EFR3A: variants seen among roughly 807,000 people sequenced by gnomAD.
EFR3A encodes EFR3 homolog A, also known as protein EFR3 homolog A.
EFR3A carries 76 observed loss-of-function variants against 104.4 expected under a neutral mutation model. The observed-to-expected ratio is 0.73, with a 90% CI of 0.60 to 0.88. The LOEUF is 0.88. EFR3A is among the 40% of genes least tolerant of loss of function. The pLI, the probability that EFR3A is intolerant of heterozygous loss-of-function variation, is 0.00. For missense variants in EFR3A, 985 were observed against 1,012.5 expected (o/e 0.97, Z 0.37); for synonymous variants, 330 against 330.0 (o/e 1.00, Z 0.00).
At chr8:131,948,618 A>G (rs1057265632) in intron 4 of EFR3A, among the ~76,000 whole-genome samples, 4 of 152,134 alleles carry the variant, frequency 2.6e-5, no homozygotes, top group African/African-American at 9.7e-5. Flanking sequence ...GTGGCTTACT[A>G]GCTAGGGGGA....
At chr8:132,000,015 A>G (rs1029410583) in intron 19 of EFR3A, among the ~76,000 whole-genome samples, 2 of 152,210 alleles carry the variant, frequency 1.3e-5, no homozygotes, top group East Asian at 3.9e-4. Context: ...GGGCAGGAGT[A>G]CTCTACTTTA....
intron 1 of EFR3A, chr8:131,935,652 T>TC (rs1361712989): frequency 8.3e-6 from 2 of 240,176 alleles, no homozygotes; most frequent in African/African-American, 4.7e-5. Context: ...TTCAAAGCCA[T>TC]ACAGTCAGTT....
At chr8:131,954,923 A>G (rs988844576) in intron 6 of EFR3A, among the ~76,000 whole-genome samples, 1 of 152,150 alleles carries the variant, frequency 6.6e-6, no homozygotes, top group African/African-American at 2.4e-5. Context: ...CACTAATTAC[A>G]GAAAGGATTC....
At chr8:131,969,264 C>T (rs1281706763) in intron 9 of EFR3A, among the ~76,000 whole-genome samples, 1 of 152,064 alleles carries the variant, frequency 6.6e-6, no homozygotes, top group African/African-American at 2.4e-5. Flanking sequence ...GGTTTCTTTG[C>T]TTGAAATTCA....
intron 18 of EFR3A, among the ~76,000 whole-genome samples, chr8:131,991,596 G>T (rs1287995278): frequency 1.3e-5 from 2 of 152,082 alleles, no homozygotes; most frequent in Admixed American, 6.6e-5. Context: ...AGGTTATAAT[G>T]AAAATTTTAA....
chr8:131,984,144 G>A lies in EFR3A; in HGVS notation c.1581G>A (p.Gly527=), dbSNP rs1041276460. 1.3e-6 allele frequency: 2 copies of A among 1,599,324 alleles called. No homozygotes were observed. The highest frequency in any genetic ancestry group is 1.7e-6 in the Non-Finnish European group (2 of 1,174,796). Residue 527 remains glycine, a synonymous_variant, in exon 15 of 23, where the codon GGG becomes GGA. Coordinates refer to ENST00000254624, the MANE Select transcript of EFR3A (RefSeq NM_015137.6). ...CCTCTGTCTTTTCTCCTCAGAATGG[G>A]CAACAGCTGTATCGGCACATATATT... ...RQDTSFMKKN[G]QQLYRHIYLG...
In EFR3A at chr8:131,944,817, A is replaced by T; in HGVS notation, c.160A>T (p.Ile54Phe). Residue 54 changes from isoleucine (I) to phenylalanine (F), a missense_variant, in exon 3 of 23, where the codon ATT becomes TTT. Coordinates refer to ENST00000254624, the MANE Select transcript of EFR3A (RefSeq NM_015137.6). Reference protein sequence around the residue: ...AVSAPEKLDRIGSYLAERLSR... With the variant: ...AVSAPEKLDRFGSYLAERLSR... ...ATCTGCTCCAGAGAAACTGGATCGA[A>T]TTGGTTCTTACCTGGCAGAAAGGTT... The T allele has an allele frequency of 6.2e-7, 1 of 1,610,512 alleles. No homozygotes were observed. Among genetic ancestry groups the T allele is most frequent in the South Asian group, 1.1e-5 (1 of 90,584 alleles).
chr8:131,923,287 G>T (rs1021458222), intron 1 of EFR3A, among the ~76,000 whole-genome samples: 3 of 152,062 alleles, frequency 2.0e-5, no homozygotes, highest in African/African-American at 7.2e-5. Context: ...CATTGATCAT[G>T]TATACTTTTT....
intron 1 of EFR3A, among the ~76,000 whole-genome samples, chr8:131,906,199 G>C (rs1200407113): frequency 6.6e-6 from 1 of 152,216 alleles, no homozygotes; most frequent in African/African-American, 2.4e-5. Context: ...TGCTGGGATA[G>C]TGCAGTGGAC....
chr8:131,913,243 A>G (rs1030684077), intron 1 of EFR3A, among the ~76,000 whole-genome samples: 11 of 151,420 alleles, frequency 7.3e-5, no homozygotes, highest in Non-Finnish European at 1.2e-4. Context: ...TATGTCAGAC[A>G]TGTCAAAATT....
At chr8:131,940,958 T>C (rs1293267215) in intron 2 of EFR3A, among the ~76,000 whole-genome samples, 1 of 152,080 alleles carries the variant, frequency 6.6e-6, no homozygotes, top group Non-Finnish European at 1.5e-5. Context: ...TATGCACATA[T>C]ATAAGTAAAT....
chr8:132,002,204 A>G (rs1039162154), intron 20 of EFR3A, among the ~76,000 whole-genome samples: 1 of 152,202 alleles, frequency 6.6e-6, no homozygotes, highest in African/African-American at 2.4e-5. Flanking sequence ...CTCAGTACCA[A>G]GATTCAATTT....
At chr8:131,957,793 AGAT>A (rs1252195052) in intron 7 of EFR3A, among the ~76,000 whole-genome samples, 1 of 152,234 alleles carries the variant, frequency 6.6e-6, no homozygotes, top group African/African-American at 2.4e-5. Flanking sequence ...AGAAAATAAT[AGAT>A]GATTTAAAAG....
intron 12 of EFR3A, 26 bp from the exon 13 acceptor site, chr8:131,978,821 T>G: frequency 6.8e-7 from 1 of 1,465,436 alleles, no homozygotes; most frequent in Non-Finnish European, 9.1e-7. Context: ...TGACAAAAGG[T>G]TGTTTGTTTT....
At chr8:131,965,476 G>A (rs183988716) in intron 8 of EFR3A, among the ~76,000 whole-genome samples, 19 of 152,276 alleles carry the variant, frequency 1.2e-4, no homozygotes, top group South Asian at 8.3e-4. Flanking sequence ...ATCATCACTG[G>A]CCATCAGATA....
chr8:131,965,981 T>A (rs1193320321), intron 8 of EFR3A, among the ~76,000 whole-genome samples: 2 of 152,054 alleles, frequency 1.3e-5, no homozygotes, highest in Admixed American at 1.3e-4. Flanking sequence ...AAACACCGCA[T>A]GTTCTCACTC....
At chr8:131,914,901 C>T (rs60653855) in intron 1 of EFR3A, among the ~76,000 whole-genome samples, 3,024 of 152,142 alleles carry the variant, frequency 0.02, 106 homozygotes, top group African/African-American at 0.067. Flanking sequence ...TAAATAAGAA[C>T]GTGGTGTTTG....
chr8:131,907,688 A>G (rs1460739280), intron 1 of EFR3A, among the ~76,000 whole-genome samples: 3 of 152,074 alleles, frequency 2.0e-5, no homozygotes, highest in Admixed American at 6.6e-5. Context: ...TTTTAGAGAC[A>G]CATTACATGC....
rs566302845 is a variant in EFR3A at position 131,954,056 on chromosome 8, A to G, written c.638+89A>G. 4.2e-5 allele frequency: 53 copies of G among 1,255,454 alleles called. No homozygotes were observed. The East Asian group carries it at 1.3e-3, about 31-fold the overall frequency. 77.8% of individuals were successfully genotyped at this position (1,255,454 alleles called of 1,614,324 possible). A position where few individuals can be genotyped will look rare whatever the true frequency, so the allele number is the denominator to read the frequency against. The stretch of plus-strand genomic sequence containing the variant: ...AGGATAAGAATGTTTTGTCTTTAGT[A>G]CTCTGTAAACAGTAGTCTCGTAAAG... On this transcript the variant is annotated intron_variant, in intron 6 of 22. Coordinates refer to ENST00000254624, the MANE Select transcript of EFR3A (RefSeq NM_015137.6).
Sources: allele counts gnomAD v4.1 joint callset (sites outside exome capture counted in the v4.1 genomes callset), GRCh38; gene constraint gnomAD v4.1.1; transcripts MANE v1.5; gene names NCBI Gene and HGNC (gene_info 2026-07-23, HGNC 2026-07-21).